NPHP3: variants seen among roughly 807,000 people sequenced by gnomAD.
NPHP3 encodes the protein nephrocystin 3.
NPHP3 carries 123 observed loss-of-function variants against 171.9 expected under a neutral mutation model. That is an observed-to-expected ratio of 0.72 (90% CI 0.62 to 0.83). The LOEUF is 0.83. Among genes scored for constraint, NPHP3 ranks in the 40% least tolerant of loss-of-function variants. The pLI is 0.00. For missense variants in NPHP3, 1,506 were observed against 1,591.9 expected (o/e 0.95, Z 0.92); for synonymous variants, 558 against 579.2 (o/e 0.96, Z 0.52).
chr3:132,698,391 C>T (rs1939513770), intron 13 of NPHP3, among the ~76,000 whole-genome samples: 1 of 151,962 alleles, frequency 6.6e-6, no homozygotes, highest in Non-Finnish European at 1.5e-5. Context: ...GATTCTTCTG[C>T]CTTAGCCTCC....
At chr3:132,706,840 G>C (rs1192576883) in intron 7 of NPHP3, among the ~76,000 whole-genome samples, 1 of 152,088 alleles carries the variant, frequency 6.6e-6, no homozygotes. Flanking sequence ...GGACGTAGTG[G>C]ACTAGGCTGA....
intron 21 of NPHP3, among the ~76,000 whole-genome samples, chr3:132,688,222 C>T (rs1365595942): frequency 6.6e-6 from 1 of 152,196 alleles, no homozygotes; most frequent in African/African-American, 2.4e-5. Flanking sequence ...AAATTACTTT[C>T]AGGCTATGTG....
intron 6 of NPHP3, among the ~76,000 whole-genome samples, chr3:132,709,314 A>C (rs1939846441): frequency 9.2e-6 from 1 of 108,928 alleles, no homozygotes; most frequent in Admixed American, 1.5e-4. Flanking sequence ...ACAGGGTCTC[A>C]CTCTGTCACC....
Position 132,712,869 on chromosome 3 carries a change from C to T in NPHP3, c.1118+257G>A, listed in dbSNP as rs1479103. On this transcript the variant is annotated intron_variant, in intron 6 of 26. Coordinates refer to ENST00000337331, the MANE Select transcript of NPHP3 (RefSeq NM_153240.5). ...AGCAAACTCCTGGCTAGATTTGGCC[C>T]TTGGGCTATATTTGCCAAACTCTGA... is the stretch of plus-strand genomic sequence containing the variant. Among the ~76,000 whole-genome samples, 28,790 of 152,004 alleles carry T rather than the reference C, an allele frequency of 0.19. 3,325 individuals carry two copies. The highest frequency in any genetic ancestry group is 0.64 in the East Asian group (3,295 of 5,166).
At chr3:132,721,858 A>T in intron 1 of NPHP3, 105 bp downstream of exon 1, 1 of 1,344,066 alleles carries the variant, frequency 7.4e-7, no homozygotes, top group Non-Finnish European at 1.0e-6. Context: ...TCAAATTAAA[A>T]TGGGCAGTTT....
intron 7 of NPHP3, 137 bp from the exon 8 acceptor site, chr3:132,705,951 A>C (rs1379175057): frequency 1.7e-6 from 1 of 571,862 alleles, no homozygotes; most frequent in South Asian, 2.1e-5. Flanking sequence ...TCTTCACAAC[A>C]ACCTTAGGAG....
intron 8 of NPHP3, among the ~76,000 whole-genome samples, chr3:132,704,964 G>A (rs1328372480): frequency 6.6e-6 from 1 of 152,110 alleles, no homozygotes; most frequent in Non-Finnish European, 1.5e-5. Context: ...CATACAAAAT[G>A]TGTTGCCAGA....
At chr3:132,701,663 A>G in intron 9 of NPHP3, 130 bp from the exon 10 acceptor site, 1 of 683,298 alleles carries the variant, frequency 1.5e-6, no homozygotes. Flanking sequence ...ATTTTTAGTG[A>G]CAGCACCCTC....
At chr3:132,684,914 A>G (rs1939116558) in intron 23 of NPHP3, 120 bp from the exon 24 acceptor site, 1 of 1,253,176 alleles carries the variant, frequency 8.0e-7, no homozygotes, top group Middle Eastern at 2.0e-4. Context: ...AAAATAAGAG[A>G]TTCAGCTCAA....
intron 26 of NPHP3, 193 bp from the exon 27 acceptor site, chr3:132,682,283 T>G: frequency 3.3e-6 from 2 of 613,694 alleles, no homozygotes; most frequent in Non-Finnish European, 5.7e-6. Context: ...AGTATTTTTG[T>G]GTCTCATATG....
rs112706691 is a variant in NPHP3 at position 132,716,517 on chromosome 3, A to T, written c.823+240T>A. ...AAAACACCAGAGAATTCAGACCATA[A>T]CACAGTTACTAGAACCTGGCTGGCC... On this transcript the variant is annotated intron_variant, in intron 4 of 26. Coordinates refer to ENST00000337331, the MANE Select transcript of NPHP3 (RefSeq NM_153240.5). 6.9e-3 allele frequency among the ~76,000 whole-genome samples: 1,055 copies of T among 152,298 alleles called. 6 individuals carry two copies. Among genetic ancestry groups the T allele is most frequent in the Non-Finnish European group, 0.012 (811 of 68,018 alleles).
chr3:132,721,558 G>T, intron 1 of NPHP3: 1 of 324,934 alleles, frequency 3.1e-6, no homozygotes, highest in Non-Finnish European at 6.1e-6. Flanking sequence ...CGCGGGGGCG[G>T]CAGTGGAGCT....
intron 4 of NPHP3, 140 bp downstream of exon 4, chr3:132,716,617 T>C: frequency 5.5e-6 from 5 of 903,908 alleles, no homozygotes; most frequent in Non-Finnish European, 8.9e-6. Context: ...ACAGCCCCAC[T>C]GTATGATGGT....
rs758927671 is a variant in NPHP3, at chr3:132,686,290, C to T, written c.3299G>A (p.Gly1100Asp). The change falls in exon 23 of 27, where the codon GGT (glycine) becomes GAT (aspartate). Residue 1100 changes from glycine (G) to aspartate (D), a missense_variant. This residue lies in a region of NPHP3 where 569 missense variants were observed against 648.1 expected (regional missense o/e 0.88). Transcript: ENST00000337331. ...PDNARTLNEL[G>D]VLYYLQNNLE... The stretch of plus-strand genomic sequence containing the variant: ...GTTATTTTGAAGATAGTAGAGAACA[C>T]CCAGTTCATTGAGGGTCCGAGCATT... The T allele has an allele frequency of 2.5e-6, 4 of 1,613,826 alleles. No homozygotes were observed. The highest frequency in any genetic ancestry group is 2.5e-6 in the Non-Finnish European group (3 of 1,179,790).
At position 132,691,197 on chromosome 3, in the gene NPHP3, C is replaced by G; in HGVS notation, c.2565G>C (p.Gln855His). The G allele has an allele frequency of 6.2e-7, 1 of 1,609,846 alleles. No homozygotes were observed. The highest frequency in any genetic ancestry group is 8.5e-7 in the Non-Finnish European group (1 of 1,176,312). Residue 855 changes from glutamine to histidine, a missense_variant, in exon 18 of 27, where the codon CAG (glutamine) becomes CAC (histidine). By Grantham distance (24) the Gln-to-His change is conservative. Transcript: ENST00000337331. ...RQKLINYFTL[Q>H]LSQDRVTWRS... ...AACAGGAACATTTACAATACCTTAGCTGCAAGGTGAAATAGTTGATTAGCT... is the reference window on the plus strand; with the variant it reads ...AACAGGAACATTTACAATACCTTAGGTGCAAGGTGAAATAGTTGATTAGCT...
chr3:132,704,924 G>A (rs1939706915), intron 8 of NPHP3, among the ~76,000 whole-genome samples: 1 of 152,156 alleles, frequency 6.6e-6, no homozygotes. Flanking sequence ...GCTCAAATTT[G>A]ATAAAGACAA....
At chr3:132,704,435 C>T in intron 8 of NPHP3, 64 bp from the exon 9 acceptor site, 2 of 1,592,668 alleles carry the variant, frequency 1.3e-6, no homozygotes, top group East Asian at 2.2e-5. Flanking sequence ...AGCGGGGTCA[C>T]CCAGGCCCAA....
At position 132,692,783 on chromosome 3, in the gene NPHP3, C is replaced by T. The variant is rs200418725; in HGVS notation, c.2346G>A (p.Val782=). 1.9e-6 allele frequency: 3 copies of T among 1,614,010 alleles called. No homozygotes were observed. The highest frequency in any genetic ancestry group is 3.3e-5 in the Admixed American group (2 of 60,026). The change falls in exon 17 of 27, where the codon GTG becomes GTA. Residue 782 remains valine, a synonymous_variant. Coordinates refer to ENST00000337331, the MANE Select transcript of NPHP3 (RefSeq NM_153240.5). ...AGAGTTCCATCAGTTCTGATTCACT[C>T]ACACCATTGTGACTAACATTGACAA... The part of the protein sequence containing the change: ...LCLVNVSHNG[V]SESELMELYP...
intron 2 of NPHP3, 114 bp downstream of exon 2, chr3:132,719,591 C>A (rs1940148204): frequency 1.4e-6 from 1 of 698,246 alleles, no homozygotes; most frequent in Non-Finnish European, 2.1e-6. Context: ...TACAACTTTC[C>A]TGAATCCTAC....
Sources: gnomAD v4.1 joint callset for allele counts (sites outside exome capture counted in the v4.1 genomes callset) on GRCh38, gnomAD v4.1.1 for gene constraint, gnomAD v4.1.1 regional missense constraint, MANE v1.5 for transcripts, NCBI Gene and HGNC (gene_info 2026-07-23, HGNC 2026-07-21) for gene names.